KSR2: variants seen among roughly 807,000 people sequenced by gnomAD.
The protein encoded by KSR2 is kinase suppressor of ras 2.
In KSR2, 25 loss-of-function variants were observed where a neutral mutation model predicts 107.8. The observed-to-expected ratio is 0.23, with a 90% CI of 0.17 to 0.32. The LOEUF (loss-of-function observed/expected upper bound fraction) is 0.32. Ranked by LOEUF, KSR2 falls within the 10% of genes least tolerant of loss-of-function variation. The pLI, the probability that KSR2 is intolerant of heterozygous loss-of-function variation, is 1.00. For missense variants in KSR2, 887 were observed against 1,268.9 expected (o/e 0.70, Z 4.57); for synonymous variants, 480 against 507.0 (o/e 0.95, Z 0.71).
chr12:117,958,280 C>T (rs1342933424), intron 1 of KSR2, among the ~76,000 whole-genome samples: 1 of 152,124 alleles, frequency 6.6e-6, no homozygotes, highest in Non-Finnish European at 1.5e-5. Context: ...AACACTCACA[C>T]TCAAAAAATA....
Position 117,706,561 on chromosome 12 carries a change from A to T in KSR2, c.987-38903T>A, listed in dbSNP as rs1455176748. ...AGCTCAGTCACAAATGTAGACAGACAGAAAGCCGATCAGTGGTTGCCTGGA... is the reference window on the plus strand; with the variant it reads ...AGCTCAGTCACAAATGTAGACAGACTGAAAGCCGATCAGTGGTTGCCTGGA... On this transcript the variant is annotated intron_variant, in intron 4 of 19. Coordinates refer to ENST00000339824, the MANE Select transcript of KSR2 (RefSeq NM_173598.6). 2.0e-5 allele frequency among the ~76,000 whole-genome samples: 3 copies of T among 152,184 alleles called. No homozygotes were observed. The East Asian group carries it at 5.8e-4, about 29-fold the overall frequency.
Position 117,577,598 on chromosome 12 carries a change from A to G in KSR2, c.1325+1521T>C, listed in dbSNP as rs75124670. Among the ~76,000 whole-genome samples the G allele has an allele frequency of 3.1e-3, 470 of 152,328 alleles. 3 individuals carry two copies. Among genetic ancestry groups the G allele is most frequent in the African/African-American group, 0.011 (443 of 41,568 alleles). ...GTTTAATGGACTCACAGTTCCAAGC[A>G]GCTAGGGAGGCCTCACAATCCCGGT... is the stretch of plus-strand genomic sequence containing the variant. On this transcript the variant is annotated intron_variant, in intron 7 of 19. Coordinates refer to ENST00000339824, the MANE Select transcript of KSR2 (RefSeq NM_173598.6).
intron 1 of KSR2, among the ~76,000 whole-genome samples, chr12:117,914,586 A>C (rs1895122392): frequency 6.6e-6 from 1 of 152,186 alleles, no homozygotes; most frequent in African/African-American, 2.4e-5. Context: ...CTAGGCTAGA[A>C]TGCAGTGCTG....
At chr12:117,681,518 G>A (rs1885362655) in intron 4 of KSR2, among the ~76,000 whole-genome samples, 1 of 152,164 alleles carries the variant, frequency 6.6e-6, no homozygotes, top group African/African-American at 2.4e-5. Flanking sequence ...AGTAAGTGAC[G>A]AGGAGAGGGG....
intron 3 of KSR2, among the ~76,000 whole-genome samples, chr12:117,838,160 T>C (rs1484015030): frequency 2.0e-5 from 3 of 152,214 alleles, no homozygotes; most frequent in African/African-American, 7.2e-5. Flanking sequence ...CAATGGACCA[T>C]GCATAACGTT....
chr12:117,512,059 T>C (rs897002819), intron 14 of KSR2, among the ~76,000 whole-genome samples: 1 of 152,180 alleles, frequency 6.6e-6, no homozygotes, highest in African/African-American at 2.4e-5. Flanking sequence ...ACACTGGAAA[T>C]GTACATGGTA....
intron 4 of KSR2, among the ~76,000 whole-genome samples, chr12:117,738,415 T>A (rs186999038): frequency 6.6e-6 from 1 of 152,340 alleles, no homozygotes; most frequent in Non-Finnish European, 1.5e-5. Flanking sequence ...TGACGTAGCC[T>A]ACTATCCCCC....
At chr12:117,682,192 A>C (rs1254337766) in intron 4 of KSR2, among the ~76,000 whole-genome samples, 1 of 152,152 alleles carries the variant, frequency 6.6e-6, no homozygotes, top group African/African-American at 2.4e-5. Flanking sequence ...ACCACATGTT[A>C]TCACTTATAA....
intron 16 of KSR2, among the ~76,000 whole-genome samples, chr12:117,483,304 A>G (rs1413205051): frequency 6.6e-6 from 1 of 152,108 alleles, no homozygotes. Context: ...AACTTATAAC[A>G]GATTCAAGGT....
chr12:117,658,736 G>A (rs894519385), intron 5 of KSR2, among the ~76,000 whole-genome samples: 1 of 152,170 alleles, frequency 6.6e-6, no homozygotes, highest in African/African-American at 2.4e-5. Flanking sequence ...AGACGAGGCT[G>A]CCAGAAGAGG....
intron 14 of KSR2, among the ~76,000 whole-genome samples, chr12:117,523,970 C>T (rs557467068): frequency 6.6e-6 from 1 of 152,102 alleles, no homozygotes; most frequent in African/African-American, 2.4e-5. Context: ...GAAACTCTGT[C>T]TCAAAAAGAA....
At chr12:117,854,582 G>A (rs1893035757) in intron 3 of KSR2, among the ~76,000 whole-genome samples, 1 of 152,192 alleles carries the variant, frequency 6.6e-6, no homozygotes, top group South Asian at 2.1e-4. Context: ...CCAGACTGAT[G>A]CTCAACAGTG....
chr12:117,595,360 T>C (rs1300047590), intron 5 of KSR2, among the ~76,000 whole-genome samples: 1 of 134,486 alleles, frequency 7.4e-6, no homozygotes, highest in Non-Finnish European at 1.6e-5. Context: ...TCTTTTTTTT[T>C]TTTTTTTTTT....
rs557224122 is a variant in KSR2 at position 117,607,218 on chromosome 12, A to C, written c.1172-24859T>G. Among the ~76,000 whole-genome samples the C allele has an allele frequency of 3.3e-5, 5 of 152,336 alleles. No individual in the cohort carries two copies. In the East Asian group the frequency reaches 9.7e-4, roughly 30 times the overall value. On this transcript the variant is annotated intron_variant, in intron 5 of 19. Coordinates refer to ENST00000339824, the MANE Select transcript of KSR2 (RefSeq NM_173598.6). ...TCACTAACGAAGACCTAGTTGCATT[A>C]AACTAAGGTAGGGCAAGGCTAGTTT...
intron 3 of KSR2, among the ~76,000 whole-genome samples, chr12:117,848,886 G>A (rs1405212159): frequency 6.7e-6 from 1 of 149,312 alleles, no homozygotes; most frequent in Non-Finnish European, 1.5e-5. Context: ...GCTAACAATA[G>A]TGATGGTGGT....
rs551354720 is a variant in KSR2 at position 117,777,322 on chromosome 12, A to G, written c.473-15798T>C. Among the ~76,000 whole-genome samples, 34 of 152,136 alleles carry G rather than the reference A, an allele frequency of 2.2e-4. No homozygotes were observed. In the South Asian group the frequency reaches 4.2e-3, roughly 19 times the overall value. The stretch of plus-strand genomic sequence containing the variant: ...GCCTTCTTATTCTAAGGAACACTAG[A>G]CAGCAGTTCAGCGCTATGCTTTGGG... On this transcript the variant is annotated intron_variant, in intron 3 of 19. Transcript: ENST00000339824.
intron 1 of KSR2, among the ~76,000 whole-genome samples, chr12:117,963,276 T>C (rs1232194020): frequency 6.6e-6 from 1 of 152,026 alleles, no homozygotes; most frequent in African/African-American, 2.4e-5. Context: ...GTAGCTTTGA[T>C]AAAAATTGCA....
At chr12:117,887,915 G>A (rs556693166) in intron 1 of KSR2, among the ~76,000 whole-genome samples, 45 of 152,338 alleles carry the variant, frequency 3.0e-4, no homozygotes, top group African/African-American at 9.9e-4. Flanking sequence ...CAAAGGGAAC[G>A]TCACTGGCCT....
chr12:117,680,321 C>T (rs534746635), intron 4 of KSR2, among the ~76,000 whole-genome samples: 1 of 152,252 alleles, frequency 6.6e-6, no homozygotes, highest in East Asian at 1.9e-4. Context: ...TTAATTAAAG[C>T]AAGATAAAAT....
Sources: gnomAD v4.1 joint callset for allele counts (sites outside exome capture counted in the v4.1 genomes callset) on GRCh38, gnomAD v4.1.1 for gene constraint, MANE v1.5 for transcripts, NCBI Gene and HGNC (gene_info 2026-07-23, HGNC 2026-07-21) for gene names.